PNPLA7: variants seen among roughly 807,000 people sequenced by gnomAD.
PNPLA7 encodes the protein patatin like domain 7, lysophospholipase.
In PNPLA7, 153 loss-of-function variants were observed where a neutral mutation model predicts 161.7. The ratio of observed to expected loss-of-function variants is 0.95; its 90% CI spans 0.83 to 1.08. The LOEUF (loss-of-function observed/expected upper bound fraction) is 1.08. Among genes scored for constraint, PNPLA7 ranks in the 50% least tolerant of loss-of-function variants. The pLI is 0.00. For missense variants in PNPLA7, 1,739 were observed against 1,856.6 expected, an observed-to-expected ratio of 0.94 and a Z score of 1.16; for synonymous variants, 809 against 782.1, an observed-to-expected ratio of 1.03 and a Z score of -0.57.
chr9:137,545,661 A>G (rs1588720737), intron 4 of PNPLA7, among the ~76,000 whole-genome samples: 1 of 152,180 alleles, frequency 6.6e-6, no homozygotes, highest in African/African-American at 2.4e-5. Context: ...ATTACTCTTT[A>G]TTCCAATATT....
At chr9:137,477,738 G>A (rs979952844) in intron 25 of PNPLA7, among the ~76,000 whole-genome samples, 2 of 152,190 alleles carry the variant, frequency 1.3e-5, no homozygotes, top group African/African-American at 2.4e-5. Flanking sequence ...CCACGCGCCC[G>A]GCCCAAGCAA....
At chr9:137,507,074 C>T (rs980345832) in intron 12 of PNPLA7, among the ~76,000 whole-genome samples, 1 of 152,244 alleles carries the variant, frequency 6.6e-6, no homozygotes, top group Non-Finnish European at 1.5e-5. Flanking sequence ...GAGCCAGGAG[C>T]GCTGGGCCTT....
At chr9:137,549,436 G>C (rs1836726785) in intron 1 of PNPLA7, among the ~76,000 whole-genome samples, 1 of 151,624 alleles carries the variant, frequency 6.6e-6, no homozygotes, top group Non-Finnish European at 1.5e-5. Flanking sequence ...CGGGCGTGGT[G>C]GTGGGCGCCT....
At chr9:137,518,969 C>T (rs71485022) in intron 11 of PNPLA7, among the ~76,000 whole-genome samples, 3 of 126,820 alleles carry the variant, frequency 2.4e-5, no homozygotes, top group Admixed American at 7.7e-5. Context: ...CTCACTCCAC[C>T]CTATCCACTC....
intron 25 of PNPLA7, among the ~76,000 whole-genome samples, chr9:137,470,393 A>G (rs1419998875): frequency 2.0e-5 from 3 of 152,100 alleles, no homozygotes; most frequent in East Asian, 3.9e-4. Flanking sequence ...AACCATCTGG[A>G]TATGAAACTT....
chr9:137,543,564 C>T lies in PNPLA7; in HGVS notation c.374G>A (p.Arg125His), dbSNP rs139993296. 2.6e-5 allele frequency: 42 copies of T among 1,611,722 alleles called. No homozygotes were observed. Among genetic ancestry groups the T allele is most frequent in the Admixed American group, 2.3e-4 (14 of 59,790 alleles). Residue 125 changes from arginine (R) to histidine (H), a missense_variant, in exon 6 of 35, where the codon CGT becomes CAT. Coordinates refer to ENST00000406427, the MANE Select transcript of PNPLA7 (RefSeq NM_001098537.3). This position sits in a 1 kb window ranked among gnomAD's most constrained non-coding sequence, Gnocchi z 6.9. Reference protein sequence around the residue: ...KVLSLAKRILRFKKEYPALQP... With the variant: ...KVLSLAKRILHFKKEYPALQP... ...CAGGGCCGGGTATTCCTTCTTGAAA[C>T]GCAGAATCCTACAAGGCAGAGACAC...
Position 137,484,800 on chromosome 9 carries a change from C to T in PNPLA7, c.2198-64G>A, listed in dbSNP as rs1167755010. Reference sequence around the variant, plus strand: ...CACGCTCACAGATGCCTCCAGATGCCCTGGGGCCCCCCGAGGCTGCACAGG... The same window carrying T: ...CACGCTCACAGATGCCTCCAGATGCTCTGGGGCCCCCCGAGGCTGCACAGG... On this transcript the variant is annotated intron_variant, in intron 20 of 34. Transcript: ENST00000406427. 2.0e-6 allele frequency: 3 copies of T among 1,495,008 alleles called. No homozygotes were observed. In the South Asian group the frequency reaches 3.9e-5, roughly 20 times the overall value. 92.6% of individuals were successfully genotyped at this position (1,495,008 alleles called of 1,614,324 possible).
chr9:137,495,191 C>T lies in PNPLA7; in HGVS notation c.2014-45G>A, dbSNP rs368185808. The T allele has an allele frequency of 1.6e-5, 23 of 1,449,468 alleles. No homozygotes were observed. The African/African-American group carries it at 2.1e-4, about 13-fold the overall frequency. 89.8% of individuals were successfully genotyped at this position (1,449,468 alleles called of 1,614,324 possible). ...GCTGGGGCCGCGGGCTTGGGAGGGC[C>T]GAGCCAGCTGGACCTGTCCCTGACA... is the stretch of plus-strand genomic sequence containing the variant. On this transcript the variant is annotated intron_variant, in intron 18 of 34. Transcript: ENST00000406427.
chr9:137,467,487 G>A lies in PNPLA7; in HGVS notation c.2883-14C>T, dbSNP rs767207749. 6.2e-7 allele frequency: 1 copy of A among 1,611,904 alleles called. No homozygotes were observed. The highest frequency in any genetic ancestry group is 8.5e-7 in the Non-Finnish European group (1 of 1,179,590). ...TGGGCACAGCCTCTACACCAGCCAG[G>A]GACACAGAGCAAGGAGTGAGTACCA... is the stretch of plus-strand genomic sequence containing the variant. On this transcript the variant is annotated splice_polypyrimidine_tract_variant and intron_variant, in intron 25 of 34. Transcript: ENST00000406427. The surrounding 1 kb of genome is among the most constrained non-coding windows in gnomAD (Gnocchi z 5.1).
At chr9:137,461,514 T>C in intron 33 of PNPLA7, 22 bp downstream of exon 33, 1 of 1,603,576 alleles carries the variant, frequency 6.2e-7, no homozygotes. Context: ...TCTCCACGGC[T>C]TCGTCTTGCG....
intron 4 of PNPLA7, among the ~76,000 whole-genome samples, chr9:137,544,802 A>G (rs1836401126): frequency 6.6e-6 from 1 of 152,102 alleles, no homozygotes. Context: ...GGCGCCCGCC[A>G]CAAAGCCCAG....
At position 137,523,717 on chromosome 9, in the gene PNPLA7, C is replaced by T. The variant is rs1378590501; in HGVS notation, c.748-860G>A. Among the ~76,000 whole-genome samples, 4 of 151,820 alleles carry T rather than the reference C, an allele frequency of 2.6e-5. No homozygotes were observed. In the East Asian group the frequency reaches 7.8e-4, roughly 29 times the overall value. ...TCTTGGCTCACTGCAAGCTCCGCCT[C>T]CCGGGTTCACACCATTCTCCTGCCT... is the stretch of plus-strand genomic sequence containing the variant. On this transcript the variant is annotated intron_variant, in intron 8 of 34. Transcript: ENST00000406427. The surrounding 1 kb of genome is among the most constrained non-coding windows in gnomAD (Gnocchi z 4.4).
intron 27 of PNPLA7, 28 bp from the exon 28 acceptor site, chr9:137,464,223 C>T: frequency 6.2e-7 from 1 of 1,612,744 alleles, no homozygotes; most frequent in East Asian, 2.2e-5. Context: ...TCAGATGGGC[C>T]CTCTCCCATC....
At position 137,543,044 on chromosome 9, in the gene PNPLA7, C is replaced by G. The variant is rs1564370079; in HGVS notation, c.507-243G>C. On this transcript the variant is annotated intron_variant, in intron 6 of 34. Coordinates refer to ENST00000406427, the MANE Select transcript of PNPLA7 (RefSeq NM_001098537.3). The surrounding 1 kb of genome is among the most constrained non-coding windows in gnomAD (Gnocchi z 6.9). ...TTGACCCGTGAACCTGAGCCACACA[C>G]ACACGGGAGGAAGGCAAAGGTGGCC... Among the ~76,000 whole-genome samples, 1 of 152,196 alleles carries G rather than the reference C, an allele frequency of 6.6e-6. No individual in the cohort carries two copies. The highest frequency in any genetic ancestry group is 1.9e-4 in the East Asian group (1 of 5,200).
intron 8 of PNPLA7, among the ~76,000 whole-genome samples, chr9:137,536,378 G>A (rs1835889938): frequency 6.6e-6 from 1 of 152,042 alleles, no homozygotes; most frequent in Admixed American, 6.5e-5. Flanking sequence ...CGTCTGGACA[G>A]CAGGCCTGGG....
In PNPLA7 at chr9:137,500,699, G is replaced by A; in HGVS notation, c.1749C>T (p.His583=). ...TGGCCCGTGGGACTCACTCATAGAA[G>A]TGGGCCTTGGAGATGGACAGGAAGC... ...DCSFLSISKA[H]FYEIMRKQPT... The change falls in exon 16 of 35, where the codon CAC becomes CAT. Residue 583 remains histidine, a synonymous_variant. Coordinates refer to ENST00000406427, the MANE Select transcript of PNPLA7 (RefSeq NM_001098537.3). This position sits in a 1 kb window ranked among gnomAD's most constrained non-coding sequence, Gnocchi z 5.5. The A allele has an allele frequency of 3.7e-6, 6 of 1,612,316 alleles. No individual in the cohort carries two copies. Among genetic ancestry groups the A allele is most frequent in the Non-Finnish European group, 4.2e-6 (5 of 1,179,824 alleles).
chr9:137,460,063 G>T lies in PNPLA7; in HGVS notation c.*330C>A, dbSNP rs1197571043. The T allele has an allele frequency of 1.0e-5, 3 of 294,628 alleles. No homozygotes were observed. In the East Asian group the frequency reaches 2.4e-4, roughly 24 times the overall value. 18.3% of individuals were successfully genotyped at this position (294,628 alleles called of 1,614,324 possible). On this transcript the variant is annotated 3_prime_UTR_variant, in exon 35 of 35. Transcript: ENST00000406427. Reference sequence around the variant, plus strand: ...AGCAGGCAGTTCACAGGGCTTTGGGGGCCTCACAGGGCAGCAGGTGGTTCA... The same window carrying T: ...AGCAGGCAGTTCACAGGGCTTTGGGTGCCTCACAGGGCAGCAGGTGGTTCA...
rs1434732662 is a variant in PNPLA7 at position 137,476,457 on chromosome 9, C to G, written c.2882+1577G>C. 6.6e-6 allele frequency among the ~76,000 whole-genome samples: 1 copy of G among 151,912 alleles called. No individual in the cohort carries two copies. Among genetic ancestry groups the G allele is most frequent in the African/African-American group, 2.4e-5 (1 of 41,316 alleles). ...AGATGAGTGATTAATCAATAGTTAG[C>G]AGACTCTGATTGCGGGTGTTGAAGG... On this transcript the variant is annotated intron_variant, in intron 25 of 34. Transcript: ENST00000406427. The surrounding 1 kb of genome is among the most constrained non-coding windows in gnomAD (Gnocchi z 4.5).
intron 23 of PNPLA7, chr9:137,479,470 C>G: frequency 8.1e-7 from 1 of 1,229,364 alleles, no homozygotes; most frequent in Non-Finnish European, 1.0e-6. Flanking sequence ...GAGGGGGACG[C>G]CTCCTCTTTC....
Sources: gnomAD v4.1 joint callset for allele counts (sites outside exome capture counted in the v4.1 genomes callset) on GRCh38, gnomAD v4.1.1 for gene constraint, Gnocchi (gnomAD v3.1) non-coding constraint, MANE v1.5 for transcripts, NCBI Gene and HGNC (gene_info 2026-07-23, HGNC 2026-07-21) for gene names.